PRKCG: variants seen among roughly 807,000 people sequenced by gnomAD.
PRKCG encodes protein kinase C gamma type.
PRKCG carries 28 observed loss-of-function variants against 82.0 expected under a neutral mutation model. The observed-to-expected ratio is 0.34, with a 90% CI of 0.25 to 0.47. The LOEUF is 0.47. Among genes scored for constraint, PRKCG ranks in the 20% least tolerant of loss-of-function variants. PRKCG has a pLI of 1.00. For missense variants in PRKCG, 640 were observed against 952.7 expected, an observed-to-expected ratio of 0.67 and a Z score of 4.32; for synonymous variants, 383 against 376.6, an observed-to-expected ratio of 1.02 and a Z score of -0.20.
intron 3 of PRKCG, among the ~76,000 whole-genome samples, chr19:53,886,614 A>G (rs1411743911): frequency 6.6e-6 from 1 of 151,606 alleles, no homozygotes; most frequent in Non-Finnish European, 1.5e-5. Flanking sequence ...CACTCACTAT[A>G]TTGCCCAGGC....
At chr19:53,882,016 G>T (rs566601616), upstream of PRKCG, among the ~76,000 whole-genome samples, 7 of 152,076 alleles carry the variant, frequency 4.6e-5, no homozygotes, top group Non-Finnish European at 1.0e-4. The surrounding 1 kb of genome is among the most constrained non-coding windows in gnomAD (Gnocchi z 6.1). Context: ...GCAGGGTGGT[G>T]GGGGGGAGCC....
rs143006838 is a variant in PRKCG, at chr19:53,885,251, C to T, written c.285+1008C>T. Among the ~76,000 whole-genome samples, 82 of 152,046 alleles carry T rather than the reference C, an allele frequency of 5.4e-4. 1 individual carries two copies. In the East Asian group the frequency reaches 6.9e-3, roughly 13 times the overall value. ...TTTTTTTTATTTTTATTTTTTGAGACGGAGTCGCGCTCTGTTGCCCAAGCT... is the reference window on the plus strand; with the variant it reads ...TTTTTTTTATTTTTATTTTTTGAGATGGAGTCGCGCTCTGTTGCCCAAGCT... On this transcript the variant is annotated intron_variant, in intron 3 of 17. Coordinates refer to ENST00000263431, the MANE Select transcript of PRKCG (RefSeq NM_002739.5).
Position 53,892,537 on chromosome 19 carries a change from C to T in PRKCG, c.715C>T (p.Arg239Trp), listed in dbSNP as rs1471641294. ...FNLKPGDVER[R>W]LSVEVWDWDR... ...CCTGAAGCCAGGGGATGTGGAGCGC[C>T]GGCTCAGCGTGGAGGTGTGGGACTG... Residue 239 changes from arginine to tryptophan, a missense_variant, in exon 7 of 18, where the codon CGG becomes TGG. Around this residue, in one of 7 missense-constraint regions of PRKCG, gnomAD observed 261 missense variants for 312.1 expected, o/e 0.84. Coordinates refer to ENST00000263431, the MANE Select transcript of PRKCG (RefSeq NM_002739.5). This position sits in a 1 kb window ranked among gnomAD's most constrained non-coding sequence, Gnocchi z 5.9. The T allele has an allele frequency of 2.5e-6, 4 of 1,613,058 alleles. No individual in the cohort carries two copies. Among genetic ancestry groups the T allele is most frequent in the Non-Finnish European group, 3.4e-6 (4 of 1,179,842 alleles).
At chr19:53,899,557 TG>T (rs1599950961) in intron 11 of PRKCG, among the ~76,000 whole-genome samples, 2 of 151,984 alleles carry the variant, frequency 1.3e-5, no homozygotes, top group East Asian at 3.9e-4. Flanking sequence ...GCCAGCCACC[TG>T]GATTAAAATA....
intron 11 of PRKCG, among the ~76,000 whole-genome samples, chr19:53,898,982 G>A (rs1221434522): frequency 7.1e-6 from 1 of 141,548 alleles, no homozygotes; most frequent in Admixed American, 7.1e-5. Context: ...TTGGGGGGGT[G>A]GTTTAGAGGG....
At chr19:53,898,789 G>GGGGTCCTTGGGGGGC (rs1191807586) in intron 11 of PRKCG, among the ~76,000 whole-genome samples, 161 bp downstream of exon 11, 1 of 113,576 alleles carries the variant, frequency 8.8e-6, no homozygotes, top group Non-Finnish European at 1.8e-5. Context: ...GGCCGGGGGG[G>GGGGTCCTTGGGGGGC]GGTCCTTGGG....
At chr19:53,882,018 G>C (rs892344834), upstream of PRKCG, among the ~76,000 whole-genome samples, 2 of 152,264 alleles carry the variant, frequency 1.3e-5, no homozygotes, top group East Asian at 3.9e-4. This position sits in a 1 kb window ranked among gnomAD's most constrained non-coding sequence, Gnocchi z 6.1. Context: ...AGGGTGGTGG[G>C]GGGGAGCCAG....
Position 53,898,126 on chromosome 19 carries a change from G to A in PRKCG, c.1092+15G>A, listed in dbSNP as rs749590040. ...GTTTTGGGAAGGTTGGATTCCTGGGGTTCTGGGGGAAAGGGAGGATGTCTG... is the reference window on the plus strand; with the variant it reads ...GTTTTGGGAAGGTTGGATTCCTGGGATTCTGGGGGAAAGGGAGGATGTCTG... On this transcript the variant is annotated intron_variant, in intron 10 of 17. Transcript: ENST00000263431. 27 of 1,613,684 alleles carry A rather than the reference G, an allele frequency of 1.7e-5. No individual in the cohort carries two copies. The highest frequency in any genetic ancestry group is 2.2e-5 in the East Asian group (1 of 44,868).
At chr19:53,898,838 C>G (rs1166260834) in intron 11 of PRKCG, among the ~76,000 whole-genome samples, 8 of 86,718 alleles carry the variant, frequency 9.2e-5, no homozygotes, top group South Asian at 4.3e-4. Flanking sequence ...GGGGGCGTGG[C>G]CAGGCGGAGG....
At chr19:53,891,954 A>T (rs1458583196) in intron 6 of PRKCG, 124 bp downstream of exon 6, 14 of 1,262,734 alleles carry the variant, frequency 1.1e-5, no homozygotes, top group Non-Finnish European at 1.5e-5. Flanking sequence ...AGGGCAGAAG[A>T]AGATGGTGGG....
chr19:53,899,011 T>A (rs1568759396), intron 11 of PRKCG, among the ~76,000 whole-genome samples: 2 of 141,374 alleles, frequency 1.4e-5, no homozygotes, highest in African/African-American at 2.7e-5. Flanking sequence ...TGTCAGGCGA[T>A]GGGATCATTA....
Position 53,907,193 on chromosome 19 carries a change from A to C in PRKCG, c.*298A>C. 38 of 475,180 alleles carry C rather than the reference A, an allele frequency of 8.0e-5. No homozygotes were observed. Among genetic ancestry groups the C allele is most frequent in the East Asian group, 1.7e-4 (4 of 23,934 alleles). 29.4% of individuals were successfully genotyped at this position (475,180 alleles called of 1,614,324 possible). On this transcript the variant is annotated 3_prime_UTR_variant, in exon 18 of 18. Coordinates refer to ENST00000263431, the MANE Select transcript of PRKCG (RefSeq NM_002739.5). ...GAGACCACACCACTAACCATCCCCA[A>C]CTCCATGGGGTTCGAGACTCCATCT...
chr19:53,887,821 C>G (rs1390823761), intron 3 of PRKCG, among the ~76,000 whole-genome samples: 1 of 137,770 alleles, frequency 7.3e-6, no homozygotes, highest in Non-Finnish European at 1.5e-5. Context: ...CAGAGTGAGA[C>G]TCCATCTCAA....
rs2068758271 is a variant in PRKCG at position 53,900,813 on chromosome 19, C to T, written c.1575+64C>T. The T allele has an allele frequency of 1.2e-5, 20 of 1,610,174 alleles. No individual in the cohort carries two copies. The highest frequency in any genetic ancestry group is 1.7e-5 in the Non-Finnish European group (20 of 1,178,324). Reference sequence around the variant, plus strand: ...CCCTTAGAGGGTGTAGCTGATGGTCCAGTATTCACCACGGGTGAGGCCTGA... The same window carrying T: ...CCCTTAGAGGGTGTAGCTGATGGTCTAGTATTCACCACGGGTGAGGCCTGA... On this transcript the variant is annotated intron_variant, in intron 14 of 17. Transcript: ENST00000263431. This position sits in a 1 kb window ranked among gnomAD's most constrained non-coding sequence, Gnocchi z 4.2.
At chr19:53,904,993 G>A (rs1489356287) in intron 16 of PRKCG, among the ~76,000 whole-genome samples, 3 of 152,182 alleles carry the variant, frequency 2.0e-5, no homozygotes, top group Non-Finnish European at 4.4e-5. Context: ...AGGAAGTGCT[G>A]AAAGTCCAGG....
At position 53,892,810 on chromosome 19, in the gene PRKCG, C is replaced by G. The variant is rs866701390; in HGVS notation, c.821+167C>G. Among the ~76,000 whole-genome samples the G allele has an allele frequency of 1.3e-5, 2 of 151,662 alleles. No individual in the cohort carries two copies. The highest frequency in any genetic ancestry group is 6.6e-5 in the Admixed American group (1 of 15,222). On this transcript the variant is annotated intron_variant, in intron 7 of 17. Transcript: ENST00000263431. The surrounding 1 kb of genome is among the most constrained non-coding windows in gnomAD (Gnocchi z 5.9). ...CACACACGCACACACCCCTCTCTCTCTATTCTTCTCTTCTTCTCCCCTCCC... is the reference window on the plus strand; with the variant it reads ...CACACACGCACACACCCCTCTCTCTGTATTCTTCTCTTCTTCTCCCCTCCC...
chr19:53,884,142 CTA>C lies in PRKCG; in HGVS notation c.203-17_203-16del, dbSNP rs1373928474. 6.2e-7 allele frequency: 1 copy of C among 1,613,682 alleles called. No homozygotes were observed. The highest frequency in any genetic ancestry group is 8.5e-7 in the Non-Finnish European group (1 of 1,179,638). The stretch of plus-strand genomic sequence containing the variant: ...CTAATCCATGCCTCCGTCTGTGTCT[CTA>C]TGATTTTCATCTATAGTCTGCAGCT... On this transcript the variant is annotated splice_polypyrimidine_tract_variant and intron_variant, in intron 2 of 17. Transcript: ENST00000263431. The surrounding 1 kb of genome is among the most constrained non-coding windows in gnomAD (Gnocchi z 4.6).
At position 53,889,611 on chromosome 19, in the gene PRKCG, C is replaced by T; in HGVS notation, c.286-27C>T. The T allele has an allele frequency of 6.3e-7, 1 of 1,590,822 alleles. No individual in the cohort carries two copies. The highest frequency in any genetic ancestry group is 1.7e-5 in the Admixed American group (1 of 59,972). On this transcript the variant is annotated intron_variant, in intron 3 of 17. Transcript: ENST00000263431. This position sits in a 1 kb window ranked among gnomAD's most constrained non-coding sequence, Gnocchi z 4.4. ...GGGGTTTTAGGACCCTCCCAACGCC[C>T]CCTAAGCCAGTCTTCTCTGCCCCCA...
intron 16 of PRKCG, among the ~76,000 whole-genome samples, chr19:53,906,078 C>CTTCTTCTTCTTCTT (rs1568763958): frequency 4.6e-5 from 2 of 43,780 alleles, no homozygotes; most frequent in Non-Finnish European, 7.5e-5. Flanking sequence ...TCCTCCTCCT[C>CTTCTTCTTCTTCTT]CTCCTCCTTC....
Sources: gnomAD v4.1 joint callset for allele counts (sites outside exome capture counted in the v4.1 genomes callset) on GRCh38, gnomAD v4.1.1 for gene constraint, gnomAD v4.1.1 regional missense constraint, Gnocchi (gnomAD v3.1) non-coding constraint, MANE v1.5 for transcripts, NCBI Gene and HGNC (gene_info 2026-07-23, HGNC 2026-07-21) for gene names.